The following TAF2 variants were observed in gnomAD, a reference collection of about 807,000 sequenced individuals.
TAF2 encodes the protein TATA-box binding protein associated factor 2, also known as transcription initiation factor TFIID subunit 2.
A neutral mutation model predicts 138.5 loss-of-function variants in TAF2; 61 were observed. The observed-to-expected ratio is 0.44, with a 90% CI of 0.36 to 0.54. The LOEUF (loss-of-function observed/expected upper bound fraction) is 0.54. TAF2 is among the 20% of genes least tolerant of loss of function. TAF2 has a pLI of 0.00. For synonymous variants in TAF2, 475 were observed against 469.9 expected, an observed-to-expected ratio of 1.01 and a Z score of -0.14; for missense variants, 1,090 against 1,427.9, an observed-to-expected ratio of 0.76 and a Z score of 3.81.
chr8:119,809,523 T>C (rs921772223), intron 3 of TAF2, among the ~76,000 whole-genome samples: 1 of 152,232 alleles, frequency 6.6e-6, no homozygotes, highest in African/African-American at 2.4e-5. Context: ...CTTAGCTAAC[T>C]GGGGCCAAGA....
At position 119,731,872 on chromosome 8, in the gene TAF2, T is replaced by A; in HGVS notation, c.*52A>T. ...TAATTCTTCACAGAGGACAAAGCTT[T>A]AGTTACATACATTCTTCTGGACATG... On this transcript the variant is annotated 3_prime_UTR_variant, in exon 26 of 26. Transcript: ENST00000378164. 1 of 1,552,392 alleles carries A rather than the reference T, an allele frequency of 6.4e-7. No homozygotes were observed.
At chr8:119,812,306 C>G (rs770520730) in intron 3 of TAF2, among the ~76,000 whole-genome samples, 11 of 151,532 alleles carry the variant, frequency 7.3e-5, no homozygotes, top group African/African-American at 2.7e-4. Context: ...GACAGGGAGC[C>G]GAATGTGATT....
At chr8:119,792,197 A>C (rs1016990391) in intron 10 of TAF2, among the ~76,000 whole-genome samples, 4 of 142,426 alleles carry the variant, frequency 2.8e-5, no homozygotes, top group Non-Finnish European at 6.0e-5. Flanking sequence ...TCTTATCCCC[A>C]GGCTGGAGTG....
chr8:119,803,788 T>C (rs529610475), intron 5 of TAF2, 90 bp downstream of exon 5: 3 of 1,248,198 alleles, frequency 2.4e-6, no homozygotes, highest in East Asian at 2.5e-5. Context: ...AAAACTAGTA[T>C]TTCTTGTTTT....
At chr8:119,757,899 A>G (rs1820806972) in intron 21 of TAF2, among the ~76,000 whole-genome samples, 174 bp downstream of exon 21, 1 of 152,182 alleles carries the variant, frequency 6.6e-6, no homozygotes, top group Non-Finnish European at 1.5e-5. Context: ...CCATCTCAAA[A>G]AAAAAACAAA....
chr8:119,742,448 T>C (rs1410392717), intron 25 of TAF2, 86 bp downstream of exon 25: 28 of 1,528,606 alleles, frequency 1.8e-5, no homozygotes, highest in Non-Finnish European at 2.3e-5. Flanking sequence ...TTTTAAAGGG[T>C]TTTTTAAAGT....
intron 23 of TAF2, among the ~76,000 whole-genome samples, chr8:119,746,145 G>A (rs1297041778): frequency 6.6e-6 from 1 of 152,044 alleles, no homozygotes; most frequent in African/African-American, 2.4e-5. Flanking sequence ...GCCACGGTGG[G>A]TGGATCACCT....
chr8:119,812,228 G>A (rs1474021465), intron 3 of TAF2, among the ~76,000 whole-genome samples: 1 of 152,098 alleles, frequency 6.6e-6, no homozygotes, highest in Non-Finnish European at 1.5e-5. Context: ...CATCCTATGT[G>A]ACCTTGTTAG....
intron 8 of TAF2, 150 bp downstream of exon 8, chr8:119,796,840 C>A (rs920344527): frequency 1.0e-5 from 6 of 586,496 alleles, no homozygotes; most frequent in Non-Finnish European, 1.8e-5. Flanking sequence ...TAGGATGAAA[C>A]TTATAATCAT....
rs201861691 is a variant in TAF2 at position 119,742,527 on chromosome 8, T to G, written c.3337+7A>C. 19 of 1,613,740 alleles carry G rather than the reference T, an allele frequency of 1.2e-5. No individual in the cohort carries two copies. In the East Asian group the frequency reaches 4.2e-4, roughly 36 times the overall value. On this transcript the variant is annotated splice_region_variant and intron_variant, in intron 25 of 25. Transcript: ENST00000378164. The stretch of plus-strand genomic sequence containing the variant: ...AAATAATATTAATTCTGATTAATTA[T>G]TTTTACCTGTTCCCTTCCGTGCAAG...
intron 2 of TAF2, among the ~76,000 whole-genome samples, chr8:119,823,619 G>A (rs971980816): frequency 2.6e-5 from 4 of 152,100 alleles, no homozygotes; most frequent in African/African-American, 7.2e-5. Context: ...CCAGTCTCAG[G>A]TATGTCTTTA....
chr8:119,818,408 C>T (rs1053156823), intron 3 of TAF2, among the ~76,000 whole-genome samples: 3 of 152,096 alleles, frequency 2.0e-5, no homozygotes, highest in Admixed American at 2.0e-4. Flanking sequence ...GTTTTGGCAT[C>T]CTACCCCAAA....
chr8:119,754,797 A>C (rs1392316288), intron 22 of TAF2, among the ~76,000 whole-genome samples: 3 of 152,182 alleles, frequency 2.0e-5, no homozygotes, highest in African/African-American at 2.4e-5. Flanking sequence ...TCTTTAAACC[A>C]TTATTACAAT....
At position 119,793,370 on chromosome 8, in the gene TAF2, C is replaced by T. The variant is rs1430864618; in HGVS notation, c.1273G>A (p.Asp425Asn). The T allele has an allele frequency of 1.2e-6, 2 of 1,611,172 alleles. No homozygotes were observed. Among genetic ancestry groups the T allele is most frequent in the Non-Finnish European group, 1.7e-6 (2 of 1,177,750 alleles). Residue 425 changes from aspartate (D) to asparagine (N), a missense_variant, in exon 10 of 26, where the codon GAT becomes AAT. By Grantham distance (23) the Asp-to-Asn change is conservative (BLOSUM62 1). This residue lies in a region of TAF2 where 504 missense variants were observed against 680.9 expected (regional missense o/e 0.74). Coordinates refer to ENST00000378164, the MANE Select transcript of TAF2 (RefSeq NM_003184.4). Reference protein sequence around the residue: ...HPIFGGGKEKDNPASHLHFSI... With the variant: ...HPIFGGGKEKNNPASHLHFSI... ...ATCTCTGAACAATAAACATACTTAT[C>T]CTTCTCTTTTCCTCCACCAAATATG...
intron 3 of TAF2, among the ~76,000 whole-genome samples, chr8:119,813,944 T>C (rs1217735550): frequency 2.6e-5 from 4 of 152,208 alleles, no homozygotes; most frequent in Non-Finnish European, 5.9e-5. Flanking sequence ...AGTGAGACCA[T>C]GCATCCAGTA....
At chr8:119,773,809 G>A (rs777750911) in intron 18 of TAF2, among the ~76,000 whole-genome samples, 1 of 151,400 alleles carries the variant, frequency 6.6e-6, no homozygotes, top group Non-Finnish European at 1.5e-5. Flanking sequence ...TCCTTAATTT[G>A]GGTTAATCCT....
intron 2 of TAF2, among the ~76,000 whole-genome samples, chr8:119,821,054 G>A (rs1369546478): frequency 6.6e-6 from 1 of 152,168 alleles, no homozygotes. Context: ...TGCTACTTGG[G>A]TGGGACATAA....
Position 119,791,429 on chromosome 8 carries a change from C to T in TAF2, c.1308G>A (p.Lys436=), listed in dbSNP as rs1027816802. The T allele has an allele frequency of 2.5e-5, 40 of 1,613,466 alleles. No homozygotes were observed. Among genetic ancestry groups the T allele is most frequent in the Non-Finnish European group, 3.3e-5 (39 of 1,179,800 alleles). The stretch of plus-strand genomic sequence containing the variant: ...ATTCCCAGGACAGTGTATGTGGATG[C>T]TTTATTGAAAAGTGTAGATGGGAAG... ...NPASHLHFSI[K]HPHTLSWEYY... Residue 436 remains lysine (K), a synonymous_variant, in exon 11 of 26, where the codon AAG becomes AAA. Coordinates refer to ENST00000378164, the MANE Select transcript of TAF2 (RefSeq NM_003184.4).
chr8:119,829,607 C>A (rs1826315758), intron 2 of TAF2, among the ~76,000 whole-genome samples: 1 of 151,498 alleles, frequency 6.6e-6, no homozygotes, highest in Admixed American at 6.6e-5. Flanking sequence ...TACTTCCTAC[C>A]AAGATCCTAA....
Sources: allele counts gnomAD v4.1 joint callset (sites outside exome capture counted in the v4.1 genomes callset), GRCh38; gene constraint gnomAD v4.1.1; regional missense constraint gnomAD v4.1.1; transcripts MANE v1.5; gene names NCBI Gene and HGNC (gene_info 2026-07-23, HGNC 2026-07-21).